CEP63: variants seen among roughly 807,000 people sequenced by gnomAD.
The protein encoded by CEP63 is centrosomal protein of 63 kDa.
Under a neutral mutation model 89.1 loss-of-function variants are expected in CEP63, and 84 were observed. The observed-to-expected ratio is 0.94, with a 90% CI of 0.79 to 1.13. CEP63 has a LOEUF of 1.13. Ranked by LOEUF, CEP63 falls within the 50% of genes most tolerant of loss-of-function variation. The pLI, the probability that CEP63 is intolerant of heterozygous loss-of-function variation, is 0.00. For synonymous variants in CEP63, 267 were observed against 272.5 expected (o/e 0.98, Z 0.20); for missense variants, 838 against 813.3 (o/e 1.03, Z -0.37).
the CEP63 span, among the ~76,000 whole-genome samples, chr3:134,616,015 G>A: frequency 2.5e-4 from 38 of 152,344 alleles, no homozygotes; most frequent in Admixed American, 1.0e-3. Context: ...CTGCTAGCTG[G>A]TGATGCTAAA....
the CEP63 span, among the ~76,000 whole-genome samples, chr3:134,727,275 T>G: frequency 6.6e-6 from 1 of 152,218 alleles, no homozygotes; most frequent in African/African-American, 2.4e-5. Context: ...CAATGTGAAC[T>G]GTTATTTAAT....
the CEP63 span, among the ~76,000 whole-genome samples, chr3:134,763,315 A>G: frequency 0.96 from 146,063 of 152,038 alleles, 70,404 homozygotes; most frequent in East Asian, 1. Flanking sequence ...CCACCTATGA[A>G]GGAATTGAAC....
At chr3:134,701,312 A>ATGTGTATATATACGTATGTG in the CEP63 span, among the ~76,000 whole-genome samples, 2 of 24,856 alleles carry the variant, frequency 8.0e-5, 1 homozygote, top group African/African-American at 2.4e-4. Flanking sequence ...ATACGTATAT[A>ATGTGTATATATACGTATGTG]TGTGTATATA....
the CEP63 span, among the ~76,000 whole-genome samples, chr3:134,637,274 C>A: frequency 6.6e-6 from 1 of 152,212 alleles, no homozygotes; most frequent in Non-Finnish European, 1.5e-5. Context: ...CCATCAGCAG[C>A]AAATACTTTC....
At chr3:134,542,011 A>G (rs1253785088) in intron 6 of CEP63, among the ~76,000 whole-genome samples, 8 of 152,202 alleles carry the variant, frequency 5.3e-5, no homozygotes, top group Non-Finnish European at 1.0e-4. Context: ...TCTGTTGCCT[A>G]CATAATGCAA....
At chr3:134,730,832 T>C in the CEP63 span, among the ~76,000 whole-genome samples, 1 of 152,090 alleles carries the variant, frequency 6.6e-6, no homozygotes, top group African/African-American at 2.4e-5. Context: ...ATTATCACAT[T>C]AAATTTTAAA....
chr3:134,586,015 C>T (rs1958476440), intron 10 of CEP63, among the ~76,000 whole-genome samples: 1 of 138,152 alleles, frequency 7.2e-6, no homozygotes, highest in Admixed American at 7.0e-5. Flanking sequence ...ACTAGGATTG[C>T]AACTCCTGCT....
At chr3:134,770,566 C>T in the CEP63 span, among the ~76,000 whole-genome samples, 2 of 152,272 alleles carry the variant, frequency 1.3e-5, no homozygotes, top group East Asian at 3.9e-4. Context: ...CACAATTTAA[C>T]TTGTTTCTCC....
the CEP63 span, chr3:134,651,261 G>A: frequency 5.8e-6 from 7 of 1,211,238 alleles, no homozygotes; most frequent in Non-Finnish European, 7.3e-6. Context: ...CCGGTCCAGA[G>A]CCTCCCTCCC....
At chr3:134,748,076 G>A in the CEP63 span, among the ~76,000 whole-genome samples, 48 of 152,216 alleles carry the variant, frequency 3.2e-4, no homozygotes, top group Admixed American at 8.5e-4. Context: ...GAGCCACCAC[G>A]CCCAGCCCCC....
At chr3:134,608,411 A>T in the CEP63 span, 1 of 1,480,340 alleles carries the variant, frequency 6.8e-7, no homozygotes. Flanking sequence ...GGTTTATGCT[A>T]GTGTGAGTGA....
chr3:134,689,162 A>T, the CEP63 span, among the ~76,000 whole-genome samples: 1 of 150,988 alleles, frequency 6.6e-6, no homozygotes, highest in Non-Finnish European at 1.5e-5. Flanking sequence ...TCTCTCTCTC[A>T]TTTTCATAAA....
rs1291679428 is a variant in CEP63 at position 134,493,303 on chromosome 3, C to T, written c.-25-1993C>T. 3.3e-5 allele frequency among the ~76,000 whole-genome samples: 5 copies of T among 151,128 alleles called. No homozygotes were observed. In the East Asian group the frequency reaches 5.8e-4, roughly 18 times the overall value. ...CATTTTGCAGATGTTAAAACAAGTC[C>T]GAGAATATAAAGCTAGTTAGTTGCA... On this transcript the variant is annotated intron_variant, in intron 1 of 14. Transcript: ENST00000675561.
chr3:134,754,205 C>T, the CEP63 span, among the ~76,000 whole-genome samples: 2 of 152,218 alleles, frequency 1.3e-5, no homozygotes, highest in Non-Finnish European at 2.9e-5. Context: ...CACCAGCAGG[C>T]GAAGTGGTGC....
the CEP63 span, among the ~76,000 whole-genome samples, chr3:134,719,558 A>G: frequency 6.6e-6 from 1 of 152,208 alleles, no homozygotes; most frequent in Non-Finnish European, 1.5e-5. Flanking sequence ...CATCATCACC[A>G]CAATCTAATT....
chr3:134,533,044 C>A (rs1950154673), intron 5 of CEP63, 144 bp downstream of exon 5: 1 of 816,706 alleles, frequency 1.2e-6, no homozygotes, highest in East Asian at 2.7e-5. Context: ...AGAGGGTGAT[C>A]CACCATACAT....
the CEP63 span, chr3:134,604,564 A>C: frequency 8.7e-7 from 1 of 1,154,468 alleles, no homozygotes; most frequent in African/African-American, 1.5e-5. Context: ...CTGGGAGAAA[A>C]ACGTCCTGAC....
At chr3:134,536,987 G>A in intron 5 of CEP63, 168 bp from the exon 6 acceptor site, 1 of 657,274 alleles carries the variant, frequency 1.5e-6, no homozygotes, top group South Asian at 1.5e-5. Flanking sequence ...GAGGAAGTTA[G>A]TATTACTCTC....
chr3:134,639,326 C>T, the CEP63 span, among the ~76,000 whole-genome samples: 3 of 152,122 alleles, frequency 2.0e-5, no homozygotes, highest in African/African-American at 4.8e-5. Flanking sequence ...CCAAACACAG[C>T]ATGAAAACCC....
Sources: allele counts gnomAD v4.1 joint callset (sites outside exome capture counted in the v4.1 genomes callset), GRCh38; gene constraint gnomAD v4.1.1; transcripts MANE v1.5; gene names NCBI Gene and HGNC (gene_info 2026-07-23, HGNC 2026-07-21).